TENM4: variants seen among roughly 807,000 people sequenced by gnomAD.
TENM4 encodes the protein teneurin-4.
TENM4 carries 82 observed loss-of-function variants against 243.3 expected under a neutral mutation model. The observed-to-expected ratio is 0.34, with a 90% CI of 0.28 to 0.40. The LOEUF (loss-of-function observed/expected upper bound fraction) is 0.40, where lower values mean the gene tolerates loss of function less well. Among genes scored for constraint, TENM4 ranks in the 10% least tolerant of loss-of-function variants. TENM4 has a pLI of 1.00. For synonymous variants in TENM4, 1,412 were observed against 1,456.3 expected (o/e 0.97, Z 0.69); for missense variants, 3,138 against 3,673.3 (o/e 0.85, Z 3.77).
At chr11:79,364,024 G>T (rs1533127) in intron 1 of TENM4, among the ~76,000 whole-genome samples, 1 of 152,028 alleles carries the variant, frequency 6.6e-6, no homozygotes, top group African/African-American at 2.4e-5. Flanking sequence ...GCTGTTGGCT[G>T]TCACCTTCTG....
At chr11:79,163,800 T>TAC (rs1171614428) in intron 3 of TENM4, among the ~76,000 whole-genome samples, 1 of 145,696 alleles carries the variant, frequency 6.9e-6, no homozygotes, top group South Asian at 2.1e-4. Context: ...TACACACACA[T>TAC]ATATATACAC....
At chr11:78,984,453 A>G (rs890406414) in intron 6 of TENM4, among the ~76,000 whole-genome samples, 1 of 152,196 alleles carries the variant, frequency 6.6e-6, no homozygotes, top group Admixed American at 6.5e-5. Context: ...TCAGAGTCCC[A>G]CTGGTGAACT....
At chr11:78,767,959 G>A (rs1425207243) in intron 18 of TENM4, among the ~76,000 whole-genome samples, 1 of 152,236 alleles carries the variant, frequency 6.6e-6, no homozygotes, top group Non-Finnish European at 1.5e-5. Context: ...TAGATAGCAT[G>A]AGCCCTACAA....
At chr11:78,776,259 C>G (rs372970566) in intron 17 of TENM4, among the ~76,000 whole-genome samples, 1 of 152,216 alleles carries the variant, frequency 6.6e-6, no homozygotes, top group Non-Finnish European at 1.5e-5. Context: ...TTTCTTATAC[C>G]CTCATGTTAA....
intron 18 of TENM4, among the ~76,000 whole-genome samples, chr11:78,767,247 C>T (rs1231445115): frequency 2.0e-5 from 3 of 152,192 alleles, no homozygotes; most frequent in Non-Finnish European, 2.9e-5. Context: ...GCGAAATAAT[C>T]GCTAAGCTTC....
At chr11:79,109,634 A>G (rs1229856333) in intron 4 of TENM4, among the ~76,000 whole-genome samples, 1 of 152,254 alleles carries the variant, frequency 6.6e-6, no homozygotes, top group Non-Finnish European at 1.5e-5. Context: ...ATGTTCCTGC[A>G]TGTAAAATAG....
At chr11:79,241,282 G>A (rs1305723776) in intron 2 of TENM4, among the ~76,000 whole-genome samples, 1 of 152,016 alleles carries the variant, frequency 6.6e-6, no homozygotes, top group Non-Finnish European at 1.5e-5. Flanking sequence ...TGTGTGGGAG[G>A]GAGAAACCTA....
chr11:79,357,365 T>A (rs1352036236), intron 1 of TENM4, among the ~76,000 whole-genome samples: 1 of 152,230 alleles, frequency 6.6e-6, no homozygotes, highest in Admixed American at 6.5e-5. Flanking sequence ...AACTCTTACA[T>A]CAGCCTGACT....
chr11:79,070,772 C>A (rs1198473639), intron 4 of TENM4, among the ~76,000 whole-genome samples: 1 of 152,214 alleles, frequency 6.6e-6, no homozygotes, highest in African/African-American at 2.4e-5. Context: ...CCTTCAAGGT[C>A]ACTTAGGTGT....
chr11:79,095,233 C>A (rs1299284087), intron 4 of TENM4, among the ~76,000 whole-genome samples: 4 of 152,150 alleles, frequency 2.6e-5, no homozygotes, highest in African/African-American at 9.7e-5. Context: ...GAGGACTCTC[C>A]CTTTTTCATA....
chr11:78,785,063 T>G (rs28631537), intron 16 of TENM4, among the ~76,000 whole-genome samples: 80,566 of 149,536 alleles, frequency 0.54, 24,180 homozygotes, highest in Non-Finnish European at 0.69. Flanking sequence ...TTGTTTTTTT[T>G]TTTTGTTTTT....
chr11:79,329,623 C>T (rs1857029784), intron 1 of TENM4, among the ~76,000 whole-genome samples: 1 of 152,156 alleles, frequency 6.6e-6, no homozygotes. Context: ...TAGAAGAAGC[C>T]AGCCATGCAA....
intron 7 of TENM4, among the ~76,000 whole-genome samples, chr11:78,896,555 T>C (rs1855802188): frequency 6.6e-6 from 1 of 152,072 alleles, no homozygotes; most frequent in Non-Finnish European, 1.5e-5. Flanking sequence ...ATTGCTGATC[T>C]CCATTTAATC....
chr11:79,352,125 C>A (rs1054627747), intron 1 of TENM4, among the ~76,000 whole-genome samples: 2 of 152,210 alleles, frequency 1.3e-5, no homozygotes, highest in African/African-American at 4.8e-5. Context: ...ATTCGGCTGG[C>A]ACTGAATTCT....
At chr11:79,071,424 G>C (rs933482542) in intron 4 of TENM4, among the ~76,000 whole-genome samples, 2 of 152,104 alleles carry the variant, frequency 1.3e-5, no homozygotes, top group African/African-American at 2.4e-5. Context: ...CTGGGAGGGT[G>C]GGTCTGTCCA....
intron 12 of TENM4, among the ~76,000 whole-genome samples, chr11:78,837,042 ACT>A (rs1858133753): frequency 6.6e-6 from 1 of 151,836 alleles, no homozygotes; most frequent in African/African-American, 2.4e-5. Flanking sequence ...AGAGGAGGAA[ACT>A]CTTAGAAAAT....
In TENM4 at chr11:78,726,226, T is replaced by C. The variant is rs975180003; in HGVS notation, c.3407-4A>G. The C allele has an allele frequency of 1.9e-6, 3 of 1,613,228 alleles. No homozygotes were observed. The highest frequency in any genetic ancestry group is 2.5e-6 in the Non-Finnish European group (3 of 1,179,592). ...TCATATTCATAACCCACGGAAACTG[T>C]AGGTGACAGAATGAGGCAAAATGCA... On this transcript the variant is annotated splice_polypyrimidine_tract_variant and splice_region_variant and intron_variant, in intron 22 of 33. Transcript: ENST00000278550.
chr11:79,021,326 T>C (rs951122928), intron 6 of TENM4, among the ~76,000 whole-genome samples: 1 of 152,198 alleles, frequency 6.6e-6, no homozygotes, highest in Admixed American at 6.5e-5. Context: ...CTCTTCTATC[T>C]AGGACTAGTT....
chr11:78,758,814 A>G (rs1037267722), intron 18 of TENM4, among the ~76,000 whole-genome samples: 1 of 152,186 alleles, frequency 6.6e-6, no homozygotes, highest in African/African-American at 2.4e-5. Context: ...GATTCCAGAG[A>G]TAGACTGTCT....
Sources: allele counts gnomAD v4.1 joint callset (sites outside exome capture counted in the v4.1 genomes callset), GRCh38; gene constraint gnomAD v4.1.1; transcripts MANE v1.5; gene names NCBI Gene and HGNC (gene_info 2026-07-23, HGNC 2026-07-21).